Variants in ANK3 observed in about 807,000 individuals in gnomAD.
ANK3 encodes the protein ankyrin-3.
A neutral mutation model predicts 370.9 loss-of-function variants in ANK3; 57 were observed. The ratio of observed to expected loss-of-function variants is 0.15; its 90% CI spans 0.12 to 0.19. The LOEUF (loss-of-function observed/expected upper bound fraction) is 0.19. Among genes scored for constraint, ANK3 ranks in the 10% least tolerant of loss-of-function variants. ANK3 has a pLI of 1.00. For missense variants in ANK3, 4,439 were observed against 5,302.1 expected (o/e 0.84, Z 5.06); for synonymous variants, 1,929 against 1,946.3 (o/e 0.99, Z 0.23).
chr10:60,693,318 G>C (rs2133405755), intron 1 of ANK3, among the ~76,000 whole-genome samples: 2 of 152,344 alleles, frequency 1.3e-5, no homozygotes, highest in African/African-American at 4.8e-5. Flanking sequence ...CAGTGAGGCT[G>C]GGGGAGGGGC....
At chr10:60,115,131 T>G (rs1420863689) in intron 25 of ANK3, among the ~76,000 whole-genome samples, 1 of 152,192 alleles carries the variant, frequency 6.6e-6, no homozygotes, top group Non-Finnish European at 1.5e-5. Flanking sequence ...TGGAGATTTT[T>G]GGCAGTAATG....
At chr10:60,526,572 C>CA (rs969054013) in intron 2 of ANK3, among the ~76,000 whole-genome samples, 30 of 151,910 alleles carry the variant, frequency 2.0e-4, no homozygotes, top group African/African-American at 6.5e-4. Context: ...GAATTTGAAA[C>CA]AAAAAAGGCA....
At chr10:60,582,588 A>C (rs1037704314) in intron 2 of ANK3, among the ~76,000 whole-genome samples, 1 of 151,568 alleles carries the variant, frequency 6.6e-6, no homozygotes, top group Non-Finnish European at 1.5e-5. Flanking sequence ...CCTCAAGGTC[A>C]CTATGTGGCT....
intron 2 of ANK3, among the ~76,000 whole-genome samples, chr10:60,504,016 T>C (rs2075870626): frequency 6.6e-6 from 1 of 152,156 alleles, no homozygotes; most frequent in Non-Finnish European, 1.5e-5. Flanking sequence ...GTAATGGAGA[T>C]GTTGAGTTAA....
intron 2 of ANK3, among the ~76,000 whole-genome samples, chr10:60,612,863 A>G (rs2078219731): frequency 6.6e-6 from 1 of 152,180 alleles, no homozygotes; most frequent in South Asian, 2.1e-4. Flanking sequence ...ACGGGCACAG[A>G]GTCAGAATTT....
intron 41 of ANK3, among the ~76,000 whole-genome samples, chr10:60,056,512 T>A (rs1206188603): frequency 6.6e-6 from 1 of 152,016 alleles, no homozygotes; most frequent in Non-Finnish European, 1.5e-5. Flanking sequence ...GGGTGCGGTG[T>A]CAGGAGGTGC....
Position 60,072,656 on chromosome 10 carries a change from C to G in ANK3, c.8225G>C (p.Gly2742Ala), listed in dbSNP as rs769478307. The change falls in exon 37 of 44, where the codon GGC (glycine) becomes GCC (alanine). Residue 2742 changes from glycine (G) to alanine (A), a missense_variant. Gly to Ala is a moderately conservative substitution (Grantham distance 60). Transcript: ENST00000280772. ...TTTTTTAACTGGGATTCTGGACTGG[C>G]CATCTGACTTTCTGTCTTCTTGAGA... is the stretch of plus-strand genomic sequence containing the variant. ...DMSQEDRKSDGQSRIPVKKIQ... is the reference protein window; with the variant it reads ...DMSQEDRKSDAQSRIPVKKIQ... 1.5e-5 allele frequency: 24 copies of G among 1,613,936 alleles called. No homozygotes were observed. The highest frequency in any genetic ancestry group is 3.3e-5 in the Admixed American group (2 of 59,982).
At chr10:60,480,817 CT>C (rs2075193195) in intron 2 of ANK3, among the ~76,000 whole-genome samples, 1 of 152,162 alleles carries the variant, frequency 6.6e-6, no homozygotes, top group Non-Finnish European at 1.5e-5. Context: ...TGTGCAAACT[CT>C]GATAGTAATG....
chr10:60,336,094 G>GGGT (rs1555307635), intron 1 of ANK3, among the ~76,000 whole-genome samples: 1 of 151,940 alleles, frequency 6.6e-6, no homozygotes, highest in African/African-American at 2.4e-5. Context: ...GTTTGGCGGG[G>GGGT]GGGGGAAGCT....
chr10:60,178,739 T>A (rs1186521341), intron 18 of ANK3, among the ~76,000 whole-genome samples: 1 of 152,198 alleles, frequency 6.6e-6, no homozygotes, highest in Non-Finnish European at 1.5e-5. Context: ...TAACTCCTGA[T>A]CCCTAATTAG....
chr10:60,188,478 T>C (rs1052534894), intron 16 of ANK3, among the ~76,000 whole-genome samples: 1 of 152,198 alleles, frequency 6.6e-6, no homozygotes, highest in African/African-American at 2.4e-5. Flanking sequence ...TAAGAATTTA[T>C]ATTTGGAAGT....
At chr10:60,400,954 CA>C (rs1444961158) in intron 2 of ANK3, among the ~76,000 whole-genome samples, 2 of 151,908 alleles carry the variant, frequency 1.3e-5, no homozygotes, top group Non-Finnish European at 2.9e-5. Flanking sequence ...AGGGTGGCAA[CA>C]AAAAAATAAA....
chr10:60,456,304 C>T (rs2064745839), intron 2 of ANK3, among the ~76,000 whole-genome samples: 1 of 152,190 alleles, frequency 6.6e-6, no homozygotes, highest in Admixed American at 6.5e-5. Context: ...GAGTCACTCA[C>T]TTTCTTGGAA....
In ANK3 at chr10:60,692,512, G is replaced by C. The variant is rs188186550; in HGVS notation, c.57+40751C>G. 1.8e-4 allele frequency among the ~76,000 whole-genome samples: 27 copies of C among 152,302 alleles called. No homozygotes were observed. In the East Asian group the frequency reaches 4.1e-3, roughly 23 times the overall value. On this transcript the variant is annotated intron_variant, in intron 1 of 43. Transcript: ENST00000373827. ...ACTGATCTATTAAGAATGTATGGAAGTGTCACACATTCTTCTCCTCTTGTC... is the reference window on the plus strand; with the variant it reads ...ACTGATCTATTAAGAATGTATGGAACTGTCACACATTCTTCTCCTCTTGTC...
At chr10:60,431,575 CTCA>C (rs1164643932) in intron 2 of ANK3, among the ~76,000 whole-genome samples, 1 of 152,034 alleles carries the variant, frequency 6.6e-6, no homozygotes, top group East Asian at 1.9e-4. Flanking sequence ...ATAAATTACT[CTCA>C]TAAGTGGGAG....
chr10:60,079,841 G>A (rs535311153), intron 36 of ANK3, among the ~76,000 whole-genome samples: 35 of 152,212 alleles, frequency 2.3e-4, no homozygotes, highest in Non-Finnish European at 3.8e-4. Flanking sequence ...GAGAGAGAGA[G>A]AGGGAGAATA....
chr10:60,667,263 A>G (rs2133377615), intron 1 of ANK3, among the ~76,000 whole-genome samples: 1 of 149,598 alleles, frequency 6.7e-6, no homozygotes, highest in East Asian at 1.9e-4. Flanking sequence ...ACCCCATTCC[A>G]GAGATAAGCC....
chr10:60,376,147 A>G (rs1319025791), intron 1 of ANK3, among the ~76,000 whole-genome samples: 2 of 152,174 alleles, frequency 1.3e-5, no homozygotes, highest in East Asian at 3.9e-4. Flanking sequence ...TCCACAGCCC[A>G]TGCCCAGGCC....
chr10:60,069,374 T>G lies in ANK3; in HGVS notation c.11507A>C (p.Gln3836Pro). 1 of 1,614,052 alleles carries G rather than the reference T, an allele frequency of 6.2e-7. No individual in the cohort carries two copies. The highest frequency in any genetic ancestry group is 8.5e-7 in the Non-Finnish European group (1 of 1,180,008). Residue 3836 changes from glutamine (Q) to proline (P), a missense_variant, in exon 37 of 44, where the codon CAA becomes CCA. Gln to Pro is a moderately conservative substitution (Grantham distance 76). Coordinates refer to ENST00000280772, the MANE Select transcript of ANK3 (RefSeq NM_020987.5). ...CTGCTTATCTCTTACACAGTGTCCT[T>G]GTAGTACCCCTGTCTTTTTTCCTGA... ...VSSGKKTGVLQGHCVRDKQKV... is the reference protein window; with the variant it reads ...VSSGKKTGVLPGHCVRDKQKV...
Sources: allele counts gnomAD v4.1 joint callset (sites outside exome capture counted in the v4.1 genomes callset), GRCh38; gene constraint gnomAD v4.1.1; transcripts MANE v1.5; gene names NCBI Gene and HGNC (gene_info 2026-07-23, HGNC 2026-07-21).